Variants in LAMB4 observed in about 807,000 individuals in gnomAD.
LAMB4 encodes the protein laminin subunit beta-4.
Under a neutral mutation model 199.2 loss-of-function variants are expected in LAMB4, and 196 were observed. The observed-to-expected ratio is 0.98, with a 90% CI of 0.88 to 1.11. The LOEUF (loss-of-function observed/expected upper bound fraction) is 1.11. Ranked by LOEUF, LAMB4 falls within the 50% of genes least tolerant of loss-of-function variation. The pLI is 0.00. For synonymous variants in LAMB4, 744 were observed against 770.6 expected, an observed-to-expected ratio of 0.97 and a Z score of 0.57; for missense variants, 2,080 against 2,171.2, an observed-to-expected ratio of 0.96 and a Z score of 0.83.
At chr7:108,078,147 A>C in intron 16 of LAMB4, 54 bp downstream of exon 16, 1 of 1,190,628 alleles carries the variant, frequency 8.4e-7, no homozygotes, top group South Asian at 1.3e-5. Flanking sequence ...ATTACTGATA[A>C]GTGAACAAAA....
the LAMB4 span, among the ~76,000 whole-genome samples, chr7:108,014,362 G>A: frequency 6.6e-6 from 1 of 152,200 alleles, no homozygotes; most frequent in Non-Finnish European, 1.5e-5. Flanking sequence ...TTTGGGTTTG[G>A]ATGCAATGTT....
chr7:108,061,172 C>A (rs959557398), intron 23 of LAMB4, among the ~76,000 whole-genome samples: 1 of 152,044 alleles, frequency 6.6e-6, no homozygotes, highest in Non-Finnish European at 1.5e-5. Flanking sequence ...GAGAAACTGT[C>A]GCAGCCAAGA....
In LAMB4 at chr7:108,069,758, C is replaced by T; in HGVS notation, c.2252G>A (p.Cys751Tyr). 1.2e-6 allele frequency: 2 copies of T among 1,613,986 alleles called. No individual in the cohort carries two copies. Residue 751 changes from cysteine to tyrosine, a missense_variant, in exon 18 of 34, where the codon TGT becomes TAT. Physicochemically the swap from Cys to Tyr is radical, Grantham distance 194. Transcript: ENST00000388781. ...AGACATGCTGATGATCAGCCTTTCA[C>T]AGGCACCCGGGAGCACTTGAGGTCC... ...AMGPQVLPGACERLIISMSAK... is the reference protein window; with the variant it reads ...AMGPQVLPGAYERLIISMSAK...
chr7:108,068,305 A>C, intron 18 of LAMB4, 146 bp from the exon 19 acceptor site: 2 of 817,128 alleles, frequency 2.4e-6, no homozygotes, highest in Non-Finnish European at 3.8e-6. Context: ...ATAATATAGA[A>C]TCTGCCTTGT....
At chr7:108,118,129 CT>C (rs1194236857) in intron 2 of LAMB4, among the ~76,000 whole-genome samples, 2 of 151,792 alleles carry the variant, frequency 1.3e-5, no homozygotes, top group Admixed American at 6.6e-5. Flanking sequence ...AGTTTTTTTT[CT>C]TTTAAAAAAC....
chr7:108,060,107 C>T (rs1041554230), intron 23 of LAMB4, among the ~76,000 whole-genome samples: 4 of 152,190 alleles, frequency 2.6e-5, no homozygotes, highest in African/African-American at 4.8e-5. Flanking sequence ...ACGTCTTCCC[C>T]GTACTCCAGT....
At chr7:108,039,102 A>G (rs1401289152) in intron 29 of LAMB4, among the ~76,000 whole-genome samples, 30 of 152,240 alleles carry the variant, frequency 2.0e-4, no homozygotes, top group Non-Finnish European at 1.0e-4. Flanking sequence ...CTAAACTGAG[A>G]GAATTACAGG....
Position 108,095,396 on chromosome 7 carries a change from A to G in LAMB4, c.1361-59T>C, listed in dbSNP as rs2037559627. On this transcript the variant is annotated intron_variant, in intron 11 of 33. Coordinates refer to ENST00000388781, the MANE Select transcript of LAMB4 (RefSeq NM_007356.3). ...TTAATTCCTCCACTCTTGCAAGTGT[A>G]CTTAATAGCTCACACAAAGCAAGAA... The G allele has an allele frequency of 1.2e-5, 15 of 1,239,914 alleles. No homozygotes were observed. In the South Asian group the frequency reaches 1.7e-4, roughly 14 times the overall value. 76.8% of individuals were successfully genotyped at this position (1,239,914 alleles called of 1,614,324 possible). A position where few individuals can be genotyped will look rare whatever the true frequency, so the allele number is the denominator to read the frequency against.
chr7:108,112,700 T>C (rs1382953909), intron 3 of LAMB4, among the ~76,000 whole-genome samples: 2 of 152,240 alleles, frequency 1.3e-5, no homozygotes, highest in Admixed American at 6.5e-5. Flanking sequence ...AGGGGCTCTG[T>C]AAGGATTTCC....
downstream of LAMB4, among the ~76,000 whole-genome samples, chr7:108,020,437 C>T (rs1215935989): frequency 3.5e-5 from 5 of 140,966 alleles, no homozygotes; most frequent in Admixed American, 7.3e-5. Context: ...TGCCACTGCA[C>T]TCCAGCCTAG....
chr7:108,030,706 A>C (rs1229361564), intron 32 of LAMB4, 100 bp downstream of exon 32: 3 of 1,102,190 alleles, frequency 2.7e-6, no homozygotes, highest in African/African-American at 3.1e-5. Flanking sequence ...ACCAGCACAA[A>C]GGAAATGATG....
chr7:108,113,622 A>T (rs1234567983), intron 3 of LAMB4, among the ~76,000 whole-genome samples: 1 of 152,234 alleles, frequency 6.6e-6, no homozygotes, highest in South Asian at 2.1e-4. Flanking sequence ...ATAATTTCCA[A>T]TAATACTATG....
chr7:108,042,937 C>CTCTGTGTGTGTG (rs1554426273), intron 29 of LAMB4, among the ~76,000 whole-genome samples: 16 of 140,392 alleles, frequency 1.1e-4, no homozygotes, highest in African/African-American at 4.4e-4. Flanking sequence ...CTCTCAATCT[C>CTCTGTGTGTGTG]TGTGTGTGTG....
chr7:108,035,578 C>A (rs2035193810), intron 30 of LAMB4, among the ~76,000 whole-genome samples: 1 of 101,650 alleles, frequency 9.8e-6, no homozygotes. Flanking sequence ...CAATGTACTG[C>A]TTATTATAGC....
downstream of LAMB4, among the ~76,000 whole-genome samples, chr7:108,022,630 T>TGAA (rs1318028821): frequency 1.3e-5 from 2 of 152,218 alleles, no homozygotes; most frequent in African/African-American, 4.8e-5. Context: ...TGTGAACCAT[T>TGAA]GTAATTATAT....
chr7:108,113,951 A>G (rs2038322116), intron 3 of LAMB4, among the ~76,000 whole-genome samples: 1 of 152,238 alleles, frequency 6.6e-6, no homozygotes, highest in African/African-American at 2.4e-5. Context: ...GGTTTTTTCC[A>G]GCTCTAAGCT....
intron 3 of LAMB4, among the ~76,000 whole-genome samples, chr7:108,114,367 A>T (rs1319828241): frequency 6.6e-6 from 1 of 152,032 alleles, no homozygotes; most frequent in Non-Finnish European, 1.5e-5. Flanking sequence ...TGAGCCTGGG[A>T]GGTTGGGGCT....
chr7:108,032,262 C>A (rs921135913), intron 31 of LAMB4, among the ~76,000 whole-genome samples: 1 of 152,052 alleles, frequency 6.6e-6, no homozygotes, highest in African/African-American at 2.4e-5. Context: ...TGGTGGTACG[C>A]ACCTGTAATC....
chr7:108,020,596 T>C (rs1011590384), downstream of LAMB4, among the ~76,000 whole-genome samples: 3 of 152,114 alleles, frequency 2.0e-5, no homozygotes, highest in Non-Finnish European at 4.4e-5. Flanking sequence ...TTTTGGCTAC[T>C]CACATTAAAT....
Sources: allele counts gnomAD v4.1 joint callset (sites outside exome capture counted in the v4.1 genomes callset), GRCh38; gene constraint gnomAD v4.1.1; transcripts MANE v1.5; gene names NCBI Gene and HGNC (gene_info 2026-07-23, HGNC 2026-07-21).